The following MACROD2 variants were observed in gnomAD, a reference collection of about 807,000 sequenced individuals.
The protein encoded by MACROD2 is mono-ADP ribosylhydrolase 2.
A neutral mutation model predicts 70.4 loss-of-function variants in MACROD2; 36 were observed. The observed-to-expected ratio is 0.51, with a 90% CI of 0.39 to 0.68. The LOEUF (loss-of-function observed/expected upper bound fraction) is 0.68, where lower values mean the gene tolerates loss of function less well. Among genes scored for constraint, MACROD2 ranks in the 30% least tolerant of loss-of-function variants. The pLI, the probability that MACROD2 is intolerant of heterozygous loss-of-function variation, is 0.00. For synonymous variants in MACROD2, 172 were observed against 178.8 expected (o/e 0.96, Z 0.30); for missense variants, 496 against 538.4 (o/e 0.92, Z 0.78).
In MACROD2 at chr20:14,809,687, C is replaced by T. The variant is rs575372810; in HGVS notation, c.418+124728C>T. 2.6e-5 allele frequency among the ~76,000 whole-genome samples: 4 copies of T among 151,718 alleles called. No individual in the cohort carries two copies. The East Asian group carries it at 7.8e-4, about 29-fold the overall frequency. On this transcript the variant is annotated intron_variant, in intron 5 of 17. Coordinates refer to ENST00000684519, the MANE Select transcript of MACROD2 (RefSeq NM_001351661.2). ...AAAGATTAACAAAATAGACTGCTAG[C>T]CAGACTAAAAAAGAAGAAAAGAGAG... is the stretch of plus-strand genomic sequence containing the variant.
intron 3 of MACROD2, among the ~76,000 whole-genome samples, chr20:14,388,149 A>T (rs1051021097): frequency 1.3e-4 from 20 of 151,768 alleles, no homozygotes; most frequent in African/African-American, 4.8e-4. Flanking sequence ...AGCTGGGACT[A>T]TAGGCGCCTG....
At chr20:14,400,786 T>A (rs2083629381) in intron 3 of MACROD2, among the ~76,000 whole-genome samples, 1 of 152,192 alleles carries the variant, frequency 6.6e-6, no homozygotes, top group Admixed American at 6.5e-5. Flanking sequence ...TTTTAGATGC[T>A]TCAGACTGGA....
intron 3 of MACROD2, among the ~76,000 whole-genome samples, chr20:14,277,452 A>G (rs1490358295): frequency 6.6e-6 from 1 of 152,224 alleles, no homozygotes; most frequent in African/African-American, 2.4e-5. Flanking sequence ...AAAGCAAACA[A>G]ACAAAAAGAT....
At chr20:14,480,681 G>T (rs1053450527) in intron 3 of MACROD2, among the ~76,000 whole-genome samples, 1 of 152,084 alleles carries the variant, frequency 6.6e-6, no homozygotes, top group Non-Finnish European at 1.5e-5. Context: ...TCCACAGCTG[G>T]CCTGATGGAA....
At chr20:14,930,116 T>G (rs1035476363) in intron 5 of MACROD2, among the ~76,000 whole-genome samples, 1 of 135,754 alleles carries the variant, frequency 7.4e-6, no homozygotes, top group African/African-American at 2.7e-5. Flanking sequence ...GAGCCGAGAT[T>G]GCGCCACTGC....
At chr20:15,885,515 TAC>T (rs1276897419) in intron 9 of MACROD2, among the ~76,000 whole-genome samples, 2 of 152,174 alleles carry the variant, frequency 1.3e-5, no homozygotes, top group African/African-American at 4.8e-5. Flanking sequence ...CGATTGCATA[TAC>T]AGTTATAAAT....
chr20:15,210,686 G>A (rs191479061), intron 5 of MACROD2, among the ~76,000 whole-genome samples: 38 of 151,868 alleles, frequency 2.5e-4, no homozygotes, highest in Non-Finnish European at 4.9e-4. Flanking sequence ...TTAGATCATG[G>A]GGGCAGATTT....
intron 8 of MACROD2, among the ~76,000 whole-genome samples, chr20:15,678,629 A>G (rs2050112578): frequency 6.6e-6 from 1 of 152,152 alleles, no homozygotes; most frequent in Non-Finnish European, 1.5e-5. Context: ...CTTTAAAAAA[A>G]TAAATAAATA....
At chr20:14,605,022 A>G (rs1982715886) in intron 4 of MACROD2, among the ~76,000 whole-genome samples, 1 of 152,206 alleles carries the variant, frequency 6.6e-6, no homozygotes, top group Non-Finnish European at 1.5e-5. Context: ...TTGCACTTGT[A>G]TATTTGACTC....
chr20:14,881,558 T>G (rs989656322), intron 5 of MACROD2, among the ~76,000 whole-genome samples: 2 of 152,022 alleles, frequency 1.3e-5, no homozygotes, highest in African/African-American at 4.8e-5. Flanking sequence ...TCAAGAAGTT[T>G]CGGGGTAGCT....
chr20:15,370,705 GTCT>G (rs1159811163), intron 6 of MACROD2, among the ~76,000 whole-genome samples: 1 of 152,010 alleles, frequency 6.6e-6, no homozygotes, highest in African/African-American at 2.4e-5. Context: ...AAAATAAGAT[GTCT>G]TCTTCTTTAT....
intron 8 of MACROD2, among the ~76,000 whole-genome samples, chr20:15,634,217 A>G (rs890316691): frequency 2.6e-5 from 4 of 152,238 alleles, no homozygotes; most frequent in Admixed American, 2.6e-4. Flanking sequence ...GTTCTGCTGT[A>G]TCTGTAATCC....
At chr20:15,705,585 A>C (rs776548018) in intron 8 of MACROD2, among the ~76,000 whole-genome samples, 4 of 151,962 alleles carry the variant, frequency 2.6e-5, no homozygotes, top group Non-Finnish European at 5.9e-5. Context: ...ACGTCTGGTT[A>C]ATTTTTGTAT....
At chr20:15,807,469 G>A (rs908869078) in intron 8 of MACROD2, among the ~76,000 whole-genome samples, 9 of 152,094 alleles carry the variant, frequency 5.9e-5, no homozygotes, top group African/African-American at 1.4e-4. Flanking sequence ...TAGAAGATTC[G>A]AGTTGAAGAT....
chr20:16,047,168 C>T (rs917591518), intron 17 of MACROD2, among the ~76,000 whole-genome samples: 3 of 152,116 alleles, frequency 2.0e-5, no homozygotes, highest in Non-Finnish European at 2.9e-5. Context: ...ACTCCCACAG[C>T]AATATTTACA....
chr20:14,700,626 G>A (rs933445835), intron 5 of MACROD2, among the ~76,000 whole-genome samples: 1 of 151,824 alleles, frequency 6.6e-6, no homozygotes, highest in African/African-American at 2.4e-5. Flanking sequence ...CGTGATGAGT[G>A]CATTTATTTT....
At chr20:16,007,167 T>C (rs2066800483) in intron 15 of MACROD2, among the ~76,000 whole-genome samples, 1 of 152,190 alleles carries the variant, frequency 6.6e-6, no homozygotes, top group Non-Finnish European at 1.5e-5. Context: ...CAAAAAGATA[T>C]AAGCAGGGTG....
At chr20:14,720,580 AGT>A (rs1361457143) in intron 5 of MACROD2, among the ~76,000 whole-genome samples, 1 of 61,624 alleles carries the variant, frequency 1.6e-5, no homozygotes, top group East Asian at 4.7e-4. Context: ...TGTGAGGCAG[AGT>A]CTCGCTCTGT....
At chr20:15,364,563 C>T (rs1033639678) in intron 6 of MACROD2, among the ~76,000 whole-genome samples, 1 of 152,206 alleles carries the variant, frequency 6.6e-6, no homozygotes, top group African/African-American at 2.4e-5. Flanking sequence ...AAGTCTTAAT[C>T]CTCACAGGAG....
Sources: gnomAD v4.1 joint callset for allele counts (sites outside exome capture counted in the v4.1 genomes callset) on GRCh38, gnomAD v4.1.1 for gene constraint, MANE v1.5 for transcripts, NCBI Gene and HGNC (gene_info 2026-07-23, HGNC 2026-07-21) for gene names.